Variants in LOC128462377 observed in about 807,000 individuals in gnomAD.
the LOC128462377 span, among the ~76,000 whole-genome samples, chr16:89,356,641 C>T: frequency 2.7e-5 from 4 of 149,948 alleles, no homozygotes; most frequent in Non-Finnish European, 4.5e-5. Context: ...ATTAGCCAGG[C>T]GTGGTGGTGG....
chr16:89,376,054 G>A, the LOC128462377 span, among the ~76,000 whole-genome samples: 4 of 152,206 alleles, frequency 2.6e-5, no homozygotes, highest in Non-Finnish European at 4.4e-5. Flanking sequence ...AGCCATCACC[G>A]CAGCTACAGC....
the LOC128462377 span, among the ~76,000 whole-genome samples, chr16:89,338,569 A>C: frequency 6.6e-6 from 1 of 151,914 alleles, no homozygotes; most frequent in African/African-American, 2.4e-5. Flanking sequence ...TACTAAAAAT[A>C]CAAAAATTAG....
the LOC128462377 span, among the ~76,000 whole-genome samples, chr16:89,331,846 C>T: frequency 6.6e-6 from 1 of 152,130 alleles, no homozygotes; most frequent in African/African-American, 2.4e-5. Context: ...ATGTTTTCGG[C>T]GGATGCAATG....
At chr16:89,330,674 GGC>G in the LOC128462377 span, among the ~76,000 whole-genome samples, 3 of 30,370 alleles carry the variant, frequency 9.9e-5, no homozygotes, top group African/African-American at 2.2e-4. Flanking sequence ...GGGGGGGGGG[GGC>G]GGGGGCGGAG....
chr16:89,344,269 T>C, the LOC128462377 span, among the ~76,000 whole-genome samples: 1 of 152,200 alleles, frequency 6.6e-6, no homozygotes, highest in African/African-American at 2.4e-5. Flanking sequence ...CGTTATTTTA[T>C]TTGGAGCCTC....
chr16:89,365,987 T>C, the LOC128462377 span, among the ~76,000 whole-genome samples: 37 of 152,218 alleles, frequency 2.4e-4, 1 homozygote, highest in African/African-American at 8.7e-4. Flanking sequence ...TGCATTGGTT[T>C]GTTAAGGATA....
chr16:89,339,820 G>A, the LOC128462377 span: 197 of 152,288 alleles, frequency 1.3e-3, no homozygotes, highest in African/African-American at 4.3e-3. Context: ...GCTCCTCAGC[G>A]TCGATCTGAT....
the LOC128462377 span, among the ~76,000 whole-genome samples, chr16:89,332,992 T>A: frequency 6.6e-6 from 1 of 152,190 alleles, no homozygotes; most frequent in African/African-American, 2.4e-5. Context: ...CATTTTCCCA[T>A]CCTGTGCACC....
the LOC128462377 span, among the ~76,000 whole-genome samples, chr16:89,413,683 A>G: frequency 6.6e-6 from 1 of 152,312 alleles, no homozygotes; most frequent in African/African-American, 2.4e-5. Flanking sequence ...AATCCCTTAC[A>G]GACCTGCAAA....
the LOC128462377 span, among the ~76,000 whole-genome samples, chr16:89,365,548 C>A: frequency 1.3e-5 from 2 of 152,188 alleles, no homozygotes; most frequent in African/African-American, 4.8e-5. Context: ...CTGAAACTCG[C>A]TTTCAAAATA....
the LOC128462377 span, among the ~76,000 whole-genome samples, chr16:89,330,994 C>A: frequency 6.6e-6 from 1 of 152,228 alleles, no homozygotes; most frequent in Non-Finnish European, 1.5e-5. Context: ...CACTTTGTCG[C>A]CCAGGCTGGA....
the LOC128462377 span, among the ~76,000 whole-genome samples, chr16:89,379,421 C>G: frequency 3.9e-5 from 6 of 152,182 alleles, no homozygotes; most frequent in Non-Finnish European, 7.3e-5. Context: ...CCACAGGGGC[C>G]TCCTGCTCCA....
At chr16:89,416,071 A>T in the LOC128462377 span, among the ~76,000 whole-genome samples, 3 of 152,082 alleles carry the variant, frequency 2.0e-5, no homozygotes, top group African/African-American at 7.2e-5. Flanking sequence ...ATCAATACTG[A>T]GGATCTATAG....
chr16:89,415,971 G>A, the LOC128462377 span, among the ~76,000 whole-genome samples: 1 of 151,924 alleles, frequency 6.6e-6, no homozygotes, highest in Non-Finnish European at 1.5e-5. Flanking sequence ...TAGCAACACT[G>A]CAGTCTCCCT....
the LOC128462377 span, among the ~76,000 whole-genome samples, chr16:89,317,852 A>G: frequency 2.0e-5 from 3 of 152,084 alleles, no homozygotes; most frequent in East Asian, 5.8e-4. Context: ...AGGGCTGGCA[A>G]ATTCCTAGAT....
the LOC128462377 span, among the ~76,000 whole-genome samples, chr16:89,368,457 G>A: frequency 8.2e-5 from 11 of 134,360 alleles, no homozygotes; most frequent in Admixed American, 2.7e-4. Flanking sequence ...TCCTGACCTC[G>A]TGATCCACCT....
At chr16:89,350,057 G>A in the LOC128462377 span, among the ~76,000 whole-genome samples, 3 of 152,006 alleles carry the variant, frequency 2.0e-5, no homozygotes, top group Non-Finnish European at 4.4e-5. Flanking sequence ...GCAAATACAT[G>A]GATAGTCCCT....
chr16:89,341,294 C>G, the LOC128462377 span, among the ~76,000 whole-genome samples: 1 of 152,188 alleles, frequency 6.6e-6, no homozygotes, highest in South Asian at 2.1e-4. Context: ...ATTAAATACA[C>G]CACAGGATTT....
chr16:89,343,177 G>A, the LOC128462377 span, among the ~76,000 whole-genome samples: 1 of 152,054 alleles, frequency 6.6e-6, no homozygotes, highest in Non-Finnish European at 1.5e-5. Context: ...TTTTAGTGGA[G>A]ACGGGGTTTC....
Sources: gnomAD v4.1 joint callset for allele counts (sites outside exome capture counted in the v4.1 genomes callset) on GRCh38, gnomAD v4.1.1 for gene constraint, MANE v1.5 for transcripts.